The following ZNF790 variants were observed in gnomAD, a reference collection of about 807,000 sequenced individuals.
ZNF790 encodes the protein zinc finger protein 790.
In ZNF790, 8 loss-of-function variants were observed where a neutral mutation model predicts 12.1. That is an observed-to-expected ratio of 0.66 (90% CI 0.39 to 1.19). The LOEUF is 1.19. Among genes scored for constraint, ZNF790 ranks in the 50% most tolerant of loss-of-function variants. ZNF790 has a pLI of 0.01. For synonymous variants in ZNF790, 252 were observed against 244.3 expected (o/e 1.03, Z -0.29); for missense variants, 707 against 752.2 (o/e 0.94, Z 0.70).
chr19:36,834,966 T>C (rs2072015057), intron 1 of ZNF790, among the ~76,000 whole-genome samples: 1 of 152,156 alleles, frequency 6.6e-6, no homozygotes, highest in Admixed American at 6.6e-5. Flanking sequence ...ACAACAACTT[T>C]CATAAAGCAA....
chr19:36,835,906 C>T (rs1319473030), intron 1 of ZNF790, among the ~76,000 whole-genome samples: 3 of 151,896 alleles, frequency 2.0e-5, no homozygotes, highest in East Asian at 3.9e-4. Context: ...GGACCCATGT[C>T]ATTATATTAG....
At position 36,827,074 on chromosome 19, in the gene ZNF790, G is replaced by T. The variant is rs140865116; in HGVS notation, c.-73-1382C>A. ...ACATAGATATATATGTGTGTTGTGTGTGTATGTGTGTATATATGTGTGTGT... is the reference window on the plus strand; with the variant it reads ...ACATAGATATATATGTGTGTTGTGTTTGTATGTGTGTATATATGTGTGTGT... On this transcript the variant is annotated intron_variant, in intron 1 of 4. Transcript: ENST00000356725. Among the ~76,000 whole-genome samples the T allele has an allele frequency of 8.6e-3, 1,179 of 136,646 alleles. 7 individuals carry two copies. The highest frequency in any genetic ancestry group is 0.015 in the Middle Eastern group (4 of 262). 89.6% of individuals were successfully genotyped at this position (136,646 alleles called of 152,430 possible). A position where few individuals can be genotyped will look rare whatever the true frequency, so the allele number is the denominator to read the frequency against.
chr19:36,825,732 C>G, intron 1 of ZNF790, 40 bp from the exon 2 acceptor site: 1 of 1,184,476 alleles, frequency 8.4e-7, no homozygotes, highest in Non-Finnish European at 1.3e-6. Flanking sequence ...TTTCTCAGAG[C>G]TCTCAAAGGG....
chr19:36,823,355 C>T lies in ZNF790; in HGVS notation c.159G>A (p.Ala53=), dbSNP rs35072926. The change falls in exon 4 of 5, where the codon GCG becomes GCA. Residue 53 remains alanine, a synonymous_variant. Coordinates refer to ENST00000356725, the MANE Select transcript of ZNF790 (RefSeq NM_206894.4). ...CTTTCCCTTTCTCCAATAAAGAGAA[C>T]GCTTCTGGCTGATAAATGCAAAAAC... ...SLGFCIYQPE[A]FSLLEKGKEP... The T allele has an allele frequency of 7.6e-5, 123 of 1,614,084 alleles. No individual in the cohort carries two copies. Among genetic ancestry groups the T allele is most frequent in the African/African-American group, 7.6e-4 (57 of 75,040 alleles).
At chr19:36,827,857 G>T (rs1063738) in intron 1 of ZNF790, 1 of 152,150 alleles carries the variant, frequency 6.6e-6, no homozygotes, top group African/African-American at 2.4e-5. Context: ...GAGGTAATAA[G>T]AAAGCATTCT....
rs768251195 is a variant in ZNF790, at chr19:36,819,063, G to C, written c.1281C>G (p.Cys427Trp). The C allele has an allele frequency of 3.7e-6, 6 of 1,613,912 alleles. No homozygotes were observed. The highest frequency in any genetic ancestry group is 2.2e-5 in the South Asian group (2 of 91,058). The change falls in exon 5 of 5, where the codon TGC (cysteine) becomes TGG (tryptophan). Residue 427 changes from cysteine to tryptophan, a missense_variant. Coordinates refer to ENST00000356725, the MANE Select transcript of ZNF790 (RefSeq NM_206894.4). The stretch of plus-strand genomic sequence containing the variant: ...ACGAAGCCCAAGTAAAAGTCTTCCC[G>C]CATTGCTTACATTCATAAGGTTTCC... Reference protein sequence around the residue: ...TGRKPYECKQCGKTFTWASYL... With the variant: ...TGRKPYECKQWGKTFTWASYL...
At chr19:36,836,069 T>C (rs1327482101) in intron 1 of ZNF790, among the ~76,000 whole-genome samples, 1 of 152,046 alleles carries the variant, frequency 6.6e-6, no homozygotes, top group African/African-American at 2.4e-5. Context: ...TTGACCCCCC[T>C]TCTATCTTAA....
At chr19:36,827,090 ATGTGTGTGTGTG>A (rs202143890) in intron 1 of ZNF790, among the ~76,000 whole-genome samples, 2 of 117,886 alleles carry the variant, frequency 1.7e-5, no homozygotes, top group Admixed American at 8.4e-5. Flanking sequence ...GTGTGTATAT[ATGTGTGTGTGTG>A]TATATATATA....
intron 1 of ZNF790, among the ~76,000 whole-genome samples, chr19:36,830,897 TG>T (rs2071932672): frequency 1.3e-5 from 2 of 152,202 alleles, no homozygotes; most frequent in African/African-American, 4.8e-5. Flanking sequence ...CCCAGCACTT[TG>T]GGAGGCCAAA....
At position 36,835,186 on chromosome 19, in the gene ZNF790, G is replaced by T. The variant is rs77179014; in HGVS notation, c.-74+3151C>A. Among the ~76,000 whole-genome samples the T allele has an allele frequency of 5.3e-3, 802 of 152,292 alleles. 22 individuals carry two copies. Among genetic ancestry groups the T allele is most frequent in the Admixed American group, 0.038 (587 of 15,298 alleles). On this transcript the variant is annotated intron_variant, in intron 1 of 4. Coordinates refer to ENST00000356725, the MANE Select transcript of ZNF790 (RefSeq NM_206894.4). The stretch of plus-strand genomic sequence containing the variant: ...TGCCTGTAGTCCCAGCTACTCAGGA[G>T]CCTGAGGCAGGAGAATTGCTTGAAC...
At chr19:36,835,119 C>T (rs1399452913) in intron 1 of ZNF790, among the ~76,000 whole-genome samples, 1 of 151,488 alleles carries the variant, frequency 6.6e-6, no homozygotes, top group African/African-American at 2.4e-5. Context: ...AACCACGTGT[C>T]TACTAAAAAT....
intron 1 of ZNF790, among the ~76,000 whole-genome samples, chr19:36,830,018 C>CT (rs1248463141): frequency 2.0e-5 from 3 of 152,114 alleles, no homozygotes; most frequent in African/African-American, 7.2e-5. Flanking sequence ...GTGTTCCGTT[C>CT]TTTTCTCCAG....
At chr19:36,829,746 T>C (rs1408550221) in intron 1 of ZNF790, among the ~76,000 whole-genome samples, 1 of 152,104 alleles carries the variant, frequency 6.6e-6, no homozygotes, top group Non-Finnish European at 1.5e-5. Flanking sequence ...TTTGTATTTT[T>C]AGTAGAGACG....
chr19:36,841,808 C>T (rs1181458450), upstream of ZNF790, among the ~76,000 whole-genome samples: 2 of 133,960 alleles, frequency 1.5e-5, no homozygotes, highest in Non-Finnish European at 3.1e-5. Context: ...GAGATCACAC[C>T]ACTGCACTGC....
intron 4 of ZNF790, among the ~76,000 whole-genome samples, chr19:36,820,631 C>G (rs187544740): frequency 6.6e-6 from 1 of 152,254 alleles, no homozygotes; most frequent in East Asian, 1.9e-4. Context: ...AGGCCAGGTA[C>G]AGTGATTCAC....
chr19:36,823,002 G>A (rs2071709830), intron 4 of ZNF790, among the ~76,000 whole-genome samples: 1 of 151,860 alleles, frequency 6.6e-6, no homozygotes, highest in Non-Finnish European at 1.5e-5. Flanking sequence ...GCTGCACGCC[G>A]ACATGCCTGG....
chr19:36,821,636 T>G (rs1161765524), intron 4 of ZNF790, among the ~76,000 whole-genome samples: 1 of 152,078 alleles, frequency 6.6e-6, no homozygotes, highest in Admixed American at 6.6e-5. Flanking sequence ...CAGGTTGGAG[T>G]GCAGTGGCGC....
At chr19:36,837,393 G>GTC (rs2072067797) in intron 1 of ZNF790, among the ~76,000 whole-genome samples, 1 of 152,130 alleles carries the variant, frequency 6.6e-6, no homozygotes, top group Non-Finnish European at 1.5e-5. Context: ...TTACCAGTGG[G>GTC]TCTGAAAATG....
chr19:36,839,727 G>A (rs2072112572), upstream of ZNF790, among the ~76,000 whole-genome samples: 2 of 152,164 alleles, frequency 1.3e-5, no homozygotes, highest in African/African-American at 4.8e-5. Flanking sequence ...TCCAGCTCCA[G>A]CTGATCTTTA....
Sources: gnomAD v4.1 joint callset for allele counts (sites outside exome capture counted in the v4.1 genomes callset) on GRCh38, gnomAD v4.1.1 for gene constraint, MANE v1.5 for transcripts, NCBI Gene and HGNC (gene_info 2026-07-23, HGNC 2026-07-21) for gene names.